MFSD6: variants seen among roughly 807,000 people sequenced by gnomAD.
MFSD6 encodes the protein major facilitator superfamily domain containing 6.
A neutral mutation model predicts 56.3 loss-of-function variants in MFSD6; 26 were observed. That is an observed-to-expected ratio of 0.46 (90% CI 0.34 to 0.64). The LOEUF (loss-of-function observed/expected upper bound fraction) is 0.64, where lower values mean the gene tolerates loss of function less well. Among genes scored for constraint, MFSD6 ranks in the 30% least tolerant of loss-of-function variants. MFSD6 has a pLI of 0.01. For missense variants in MFSD6, 750 were observed against 986.2 expected, an observed-to-expected ratio of 0.76 and a Z score of 3.21; for synonymous variants, 331 against 366.9, an observed-to-expected ratio of 0.90 and a Z score of 1.12.
rs754189601 is a variant in MFSD6, at chr2:190,459,218, C to T, written c.1533-10540C>T. On this transcript the variant is annotated intron_variant, in intron 3 of 7. Transcript: ENST00000392328. This position sits in a 1 kb window ranked among gnomAD's most constrained non-coding sequence, Gnocchi z 5.3. ...TGTGATGCCCTTAACTGTACCCATT[C>T]CTGCTGTGTCTCACCACAGTCAGGA... 1.7e-4 allele frequency among the ~76,000 whole-genome samples: 26 copies of T among 152,194 alleles called. No homozygotes were observed. The highest frequency in any genetic ancestry group is 2.9e-4 in the Non-Finnish European group (20 of 68,046).
At chr2:190,435,816 T>C in intron 2 of MFSD6, 161 bp from the exon 3 acceptor site, 1 of 599,206 alleles carries the variant, frequency 1.7e-6, no homozygotes, top group East Asian at 3.0e-5. Flanking sequence ...AAAGCTATTT[T>C]TCCTTACCGG....
Position 190,415,156 on chromosome 2 carries a change from TTA to T in MFSD6, c.-175-134_-175-133del, listed in dbSNP as rs1281766091. 4 of 152,218 alleles carry T rather than the reference TTA, an allele frequency of 2.6e-5. No individual in the cohort carries two copies. The highest frequency in any genetic ancestry group is 4.8e-5 in the African/African-American group (2 of 41,446). 9.4% of individuals were successfully genotyped at this position (152,218 alleles called of 1,614,324 possible). On this transcript the variant is annotated intron_variant, in intron 1 of 7. Transcript: ENST00000392328. This position sits in a 1 kb window ranked among gnomAD's most constrained non-coding sequence, Gnocchi z 4.5. ...TTTAAGTCTTTGCTTTTCAGAAAGT[TTA>T]TGTTTTTACTCTCAGTGAATGACAA...
At chr2:190,481,244 C>T (rs970301800) in intron 4 of MFSD6, among the ~76,000 whole-genome samples, 7 of 152,156 alleles carry the variant, frequency 4.6e-5, no homozygotes, top group East Asian at 3.8e-4. Context: ...TAAAAATTCA[C>T]GAGGGCCCCC....
Position 190,469,187 on chromosome 2 carries a change from G to T in MFSD6, c.1533-571G>T, listed in dbSNP as rs563833223. Among the ~76,000 whole-genome samples, 184 of 152,316 alleles carry T rather than the reference G, an allele frequency of 1.2e-3. No individual in the cohort carries two copies. The highest frequency in any genetic ancestry group is 4.4e-3 in the African/African-American group (182 of 41,562). On this transcript the variant is annotated intron_variant, in intron 3 of 7. Coordinates refer to ENST00000392328, the MANE Select transcript of MFSD6 (RefSeq NM_017694.4). The surrounding 1 kb of genome is among the most constrained non-coding windows in gnomAD (Gnocchi z 5.3). ...ACATGTATCCATTGAACTGATAGGA[G>T]AAACTATTTGATTTCCAAATAGTTT...
intron 1 of MFSD6, chr2:190,411,555 T>C: frequency 1.0e-6 from 1 of 984,018 alleles, no homozygotes; most frequent in Non-Finnish European, 1.2e-6. Flanking sequence ...AATTTTGTTT[T>C]TGGAACAAGC....
Position 190,496,688 on chromosome 2 carries a change from A to G in MFSD6, c.1892-751A>G, listed in dbSNP as rs1483229150. On this transcript the variant is annotated intron_variant, in intron 6 of 7. Transcript: ENST00000392328. This position sits in a 1 kb window ranked among gnomAD's most constrained non-coding sequence, Gnocchi z 4.7. ...TGTGTATGTGTGTGTGTATATACAC[A>G]CACACACATATACATACATACACAA... Among the ~76,000 whole-genome samples the G allele has an allele frequency of 3.9e-5, 6 of 152,118 alleles. No homozygotes were observed. The highest frequency in any genetic ancestry group is 7.4e-5 in the Non-Finnish European group (5 of 68,000).
chr2:190,455,526 C>T (rs545959399), intron 3 of MFSD6, among the ~76,000 whole-genome samples: 10 of 152,228 alleles, frequency 6.6e-5, no homozygotes, highest in Middle Eastern at 3.4e-3. Context: ...TTGATCTGCA[C>T]GACCCTGGCA....
chr2:190,446,827 A>G (rs1686602021), intron 3 of MFSD6, among the ~76,000 whole-genome samples: 1 of 152,168 alleles, frequency 6.6e-6, no homozygotes, highest in South Asian at 2.1e-4. Flanking sequence ...GCTGAGCTTA[A>G]ATGTCAACCT....
In MFSD6 at chr2:190,497,993, T is replaced by C. The variant is rs1689802365; in HGVS notation, c.2172+274T>C. The C allele has an allele frequency of 3.5e-6, 1 of 289,822 alleles. No homozygotes were observed. Among genetic ancestry groups the C allele is most frequent in the African/African-American group, 2.2e-5 (1 of 46,376 alleles). 18.0% of individuals were successfully genotyped at this position (289,822 alleles called of 1,614,324 possible). A position where few individuals can be genotyped will look rare whatever the true frequency, so the allele number is the denominator to read the frequency against. On this transcript the variant is annotated intron_variant, in intron 7 of 7. Transcript: ENST00000392328. This position sits in a 1 kb window ranked among gnomAD's most constrained non-coding sequence, Gnocchi z 5.2. The stretch of plus-strand genomic sequence containing the variant: ...GAAAGAAATAAAATAAATTAATCCA[T>C]TCTTTCATTGTATATTTGTTTTAAA...
At chr2:190,481,590 C>T (rs1020690133) in intron 4 of MFSD6, among the ~76,000 whole-genome samples, 3 of 152,202 alleles carry the variant, frequency 2.0e-5, no homozygotes, top group Non-Finnish European at 4.4e-5. Context: ...AAATCCTGCC[C>T]CCTTTCACCT....
At chr2:190,429,113 C>CT (rs1284222219) in intron 2 of MFSD6, among the ~76,000 whole-genome samples, 1 of 151,958 alleles carries the variant, frequency 6.6e-6, no homozygotes, top group Non-Finnish European at 1.5e-5. Flanking sequence ...TGTGAGGTGC[C>CT]TATTCAAGCT....
rs184499002 is a variant in MFSD6 at position 190,449,200 on chromosome 2, G to A, written c.1532+11639G>A. Among the ~76,000 whole-genome samples, 290 of 152,268 alleles carry A rather than the reference G, an allele frequency of 1.9e-3. 1 individual carries two copies. The highest frequency in any genetic ancestry group is 3.5e-3 in the Admixed American group (53 of 15,298). On this transcript the variant is annotated intron_variant, in intron 3 of 7. Coordinates refer to ENST00000392328, the MANE Select transcript of MFSD6 (RefSeq NM_017694.4). ...GTATGTTGTTAAGAATTAGCTGGGCGCAGTGGCTCATGCCTGTAATCCCAG... is the reference window on the plus strand; with the variant it reads ...GTATGTTGTTAAGAATTAGCTGGGCACAGTGGCTCATGCCTGTAATCCCAG...
intron 2 of MFSD6, among the ~76,000 whole-genome samples, chr2:190,422,568 C>T (rs1685660828): frequency 6.6e-6 from 1 of 152,142 alleles, no homozygotes; most frequent in Non-Finnish European, 1.5e-5. Flanking sequence ...GTTGAGATAT[C>T]TGAAGCCATT....
At chr2:190,475,446 G>A (rs1688242407) in intron 4 of MFSD6, among the ~76,000 whole-genome samples, 1 of 152,156 alleles carries the variant, frequency 6.6e-6, no homozygotes, top group South Asian at 2.1e-4. Flanking sequence ...AATCATGAGT[G>A]AACTCCCATT....
Position 190,500,413 on chromosome 2 carries a change from G to C in MFSD6, c.*195G>C. The stretch of plus-strand genomic sequence containing the variant: ...TATTGGCAGGAAAAGGTAAACTTTC[G>C]TAATCTCATTGGAATTACAACAGGG... On this transcript the variant is annotated 3_prime_UTR_variant, in exon 8 of 8. Coordinates refer to ENST00000392328, the MANE Select transcript of MFSD6 (RefSeq NM_017694.4). This position sits in a 1 kb window ranked among gnomAD's most constrained non-coding sequence, Gnocchi z 5.3. 1.6e-6 allele frequency: 1 copy of C among 617,820 alleles called. No individual in the cohort carries two copies. Among genetic ancestry groups the C allele is most frequent in the Non-Finnish European group, 2.8e-6 (1 of 358,938 alleles). The allele number at this position is 617,820 out of a possible 1,614,324, so 38.3% of individuals were successfully genotyped here.
intron 1 of MFSD6, among the ~76,000 whole-genome samples, chr2:190,409,722 C>A (rs1238955344): frequency 2.0e-5 from 3 of 152,136 alleles, no homozygotes; most frequent in Non-Finnish European, 4.4e-5. Flanking sequence ...TGGGCACTAG[C>A]CAGCTAAAAG....
At chr2:190,480,298 C>A (rs1688586807) in intron 4 of MFSD6, among the ~76,000 whole-genome samples, 2 of 152,178 alleles carry the variant, frequency 1.3e-5, no homozygotes, top group African/African-American at 4.8e-5. Context: ...TTTTTCAGTT[C>A]TCCAAAGAGA....
At chr2:190,429,092 A>T (rs1047685766) in intron 2 of MFSD6, among the ~76,000 whole-genome samples, 2 of 152,054 alleles carry the variant, frequency 1.3e-5, no homozygotes, top group Admixed American at 1.3e-4. Flanking sequence ...GGCCATTTGT[A>T]TAGGCTCTTT....
Position 190,461,790 on chromosome 2 carries a change from G to T in MFSD6, c.1533-7968G>T. On this transcript the variant is annotated intron_variant, in intron 3 of 7. Coordinates refer to ENST00000392328, the MANE Select transcript of MFSD6 (RefSeq NM_017694.4). This position sits in a 1 kb window ranked among gnomAD's most constrained non-coding sequence, Gnocchi z 5.5. ...TAGTTTCAACATATGAATTTTGGAG[G>T]GTATACAGACATTTAAACTGTAGTA... Among the ~76,000 whole-genome samples the T allele has an allele frequency of 6.6e-6, 1 of 151,766 alleles. No homozygotes were observed. The highest frequency in any genetic ancestry group is 2.1e-4 in the South Asian group (1 of 4,798).
Sources: allele counts gnomAD v4.1 joint callset (sites outside exome capture counted in the v4.1 genomes callset), GRCh38; gene constraint gnomAD v4.1.1; non-coding constraint Gnocchi (gnomAD v3.1); transcripts MANE v1.5; gene names NCBI Gene and HGNC (gene_info 2026-07-23, HGNC 2026-07-21).